The following ADGRL2 variants were observed in gnomAD, a reference collection of about 807,000 sequenced individuals.
The protein encoded by ADGRL2 is calcium-independent alpha-latrotoxin receptor 2.
A neutral mutation model predicts 157.4 loss-of-function variants in ADGRL2; 44 were observed. The observed-to-expected ratio is 0.28, with a 90% CI of 0.22 to 0.36. The LOEUF is 0.36. Ranked by LOEUF, ADGRL2 falls within the 10% of genes least tolerant of loss-of-function variation. ADGRL2 has a pLI of 1.00. For missense variants in ADGRL2, 1,510 were observed against 1,768.9 expected, an observed-to-expected ratio of 0.85 and a Z score of 2.63; for synonymous variants, 585 against 624.7, an observed-to-expected ratio of 0.94 and a Z score of 0.95.
chr1:81,836,423 C>T (rs1159793487), intron 1 of ADGRL2, among the ~76,000 whole-genome samples: 4 of 152,042 alleles, frequency 2.6e-5, no homozygotes, highest in Admixed American at 2.6e-4. Context: ...CCTCACACGA[C>T]CTCAGAAAGA....
At chr1:81,670,490 C>G (rs145213055) in intron 3 of ADGRL2, among the ~76,000 whole-genome samples, 1 of 152,254 alleles carries the variant, frequency 6.6e-6, no homozygotes, top group East Asian at 1.9e-4. Context: ...GCCTAGAAGT[C>G]TGAGTGTAGA....
At chr1:81,805,118 AGTTG>A (rs975229895) in intron 1 of ADGRL2, among the ~76,000 whole-genome samples, 1 of 152,060 alleles carries the variant, frequency 6.6e-6, no homozygotes, top group Non-Finnish European at 1.5e-5. Flanking sequence ...TCTAGTATTC[AGTTG>A]GTTTATTTTA....
chr1:81,904,801 G>A (rs543632003), intron 2 of ADGRL2, among the ~76,000 whole-genome samples: 1 of 152,186 alleles, frequency 6.6e-6, no homozygotes, highest in South Asian at 2.1e-4. Flanking sequence ...TAGCTACTCA[G>A]GAGGCTGAGG....
intron 1 of ADGRL2, among the ~76,000 whole-genome samples, chr1:81,706,332 G>A (rs1037657136): frequency 1.3e-5 from 2 of 152,196 alleles, no homozygotes; most frequent in African/African-American, 4.8e-5. Flanking sequence ...AGAGAGACAG[G>A]AAAGCTGTCA....
At chr1:81,491,856 C>T (rs1374199354) in intron 2 of ADGRL2, among the ~76,000 whole-genome samples, 1 of 152,130 alleles carries the variant, frequency 6.6e-6, no homozygotes, top group Non-Finnish European at 1.5e-5. Context: ...CATTATTCAG[C>T]TCTCCTTGTA....
chr1:81,720,837 T>G (rs1437954111), intron 1 of ADGRL2, among the ~76,000 whole-genome samples: 1 of 151,026 alleles, frequency 6.6e-6, no homozygotes, highest in Non-Finnish European at 1.5e-5. Context: ...CTTGTGAGTC[T>G]GATGAATTGG....
At chr1:81,424,973 C>T (rs2077185806) in intron 1 of ADGRL2, among the ~76,000 whole-genome samples, 1 of 152,150 alleles carries the variant, frequency 6.6e-6, no homozygotes, top group African/African-American at 2.4e-5. Context: ...TAAGCTTCAC[C>T]TTAAAAGATT....
intron 1 of ADGRL2, among the ~76,000 whole-genome samples, chr1:81,371,703 C>A (rs1174446779): frequency 6.6e-6 from 1 of 152,066 alleles, no homozygotes; most frequent in Non-Finnish European, 1.5e-5. Flanking sequence ...AATACAGAGG[C>A]CATTTTTCAG....
chr1:81,372,055 G>A (rs1301812595), intron 1 of ADGRL2, among the ~76,000 whole-genome samples: 2 of 152,098 alleles, frequency 1.3e-5, no homozygotes, highest in African/African-American at 4.8e-5. Flanking sequence ...GTAAGCTATG[G>A]CATAAAGATC....
At chr1:81,435,270 A>G (rs761117542) in intron 1 of ADGRL2, among the ~76,000 whole-genome samples, 1 of 152,228 alleles carries the variant, frequency 6.6e-6, no homozygotes, top group Non-Finnish European at 1.5e-5. Flanking sequence ...AATATTCACT[A>G]AGTTTTAACA....
At chr1:81,800,704 G>A (rs904157757), upstream of ADGRL2, among the ~76,000 whole-genome samples, 1 of 151,968 alleles carries the variant, frequency 6.6e-6, no homozygotes, top group African/African-American at 2.4e-5. Context: ...TAAAGTGCAT[G>A]TGTGTGGACA....
intron 1 of ADGRL2, among the ~76,000 whole-genome samples, chr1:81,710,328 G>A (rs2083882427): frequency 6.6e-6 from 1 of 151,948 alleles, no homozygotes; most frequent in Non-Finnish European, 1.5e-5. Flanking sequence ...AATTATTGAG[G>A]ATTCTAAGAA....
At chr1:81,308,360 G>A (rs1245150306) in intron 1 of ADGRL2, among the ~76,000 whole-genome samples, 3 of 152,096 alleles carry the variant, frequency 2.0e-5, no homozygotes, top group Non-Finnish European at 4.4e-5. Context: ...AACAGTAAAG[G>A]ATGACAATTT....
intron 2 of ADGRL2, among the ~76,000 whole-genome samples, chr1:81,777,323 A>G (rs1403086160): frequency 6.6e-6 from 1 of 152,196 alleles, no homozygotes; most frequent in East Asian, 1.9e-4. Context: ...TTCACTGCCA[A>G]GTAAAGTTCC....
intron 2 of ADGRL2, among the ~76,000 whole-genome samples, chr1:81,879,154 T>C (rs189088265): frequency 6.6e-6 from 1 of 152,304 alleles, no homozygotes; most frequent in Admixed American, 6.5e-5. Flanking sequence ...AGGACCAGAC[T>C]GAAAGTAACA....
chr1:81,587,863 A>G (rs2081058502), intron 3 of ADGRL2, among the ~76,000 whole-genome samples: 1 of 152,164 alleles, frequency 6.6e-6, no homozygotes, highest in South Asian at 2.1e-4. Flanking sequence ...AATTAAAAAC[A>G]AAACAAAACT....
At chr1:81,957,218 G>A (rs1572359258) in intron 11 of ADGRL2, among the ~76,000 whole-genome samples, 1 of 148,606 alleles carries the variant, frequency 6.7e-6, no homozygotes, top group South Asian at 2.1e-4. Context: ...CCCTTCTTAT[G>A]CCTCTTCAAT....
chr1:81,669,452 C>T (rs2082821027), intron 3 of ADGRL2, among the ~76,000 whole-genome samples: 1 of 147,146 alleles, frequency 6.8e-6, no homozygotes, highest in Non-Finnish European at 1.5e-5. Context: ...TATATTTAGG[C>T]TACTAAATGT....
intron 2 of ADGRL2, among the ~76,000 whole-genome samples, chr1:81,779,881 T>C (rs74598409): frequency 6.6e-6 from 1 of 152,334 alleles, no homozygotes; most frequent in Non-Finnish European, 1.5e-5. Flanking sequence ...AATGAAATTA[T>C]CAGCAAGGCC....
Sources: allele counts gnomAD v4.1 joint callset (sites outside exome capture counted in the v4.1 genomes callset), GRCh38; gene constraint gnomAD v4.1.1; transcripts MANE v1.5; gene names NCBI Gene and HGNC (gene_info 2026-07-23, HGNC 2026-07-21).